The following TULP4 variants were observed in gnomAD, a reference collection of about 807,000 sequenced individuals.
TULP4 encodes the protein tubby-related protein 4.
TULP4 carries 16 observed loss-of-function variants against 129.0 expected under a neutral mutation model. The observed-to-expected ratio is 0.12, with a 90% CI of 0.08 to 0.19. TULP4 has a LOEUF of 0.19. Ranked by LOEUF, TULP4 falls within the 10% of genes least tolerant of loss-of-function variation. The pLI, the probability that TULP4 is intolerant of heterozygous loss-of-function variation, is 1.00. For synonymous variants in TULP4, 998 were observed against 854.0 expected, an observed-to-expected ratio of 1.17 and a Z score of -2.94; for missense variants, 1,842 against 2,059.1, an observed-to-expected ratio of 0.89 and a Z score of 2.04.
chr6:158,293,869 G>T (rs746661259), intron 1 of TULP4, among the ~76,000 whole-genome samples: 3 of 152,208 alleles, frequency 2.0e-5, no homozygotes, highest in Non-Finnish European at 4.4e-5. Flanking sequence ...CTGGATGTAT[G>T]TGTTTCCCTG....
chr6:158,504,542 G>A (rs1206077254), intron 13 of TULP4, among the ~76,000 whole-genome samples: 1 of 148,608 alleles, frequency 6.7e-6, no homozygotes, highest in African/African-American at 2.5e-5. Context: ...ATTTTTAGTA[G>A]AGATGGGGTT....
At chr6:158,246,976 T>G (rs995033815) in intron 1 of TULP4, among the ~76,000 whole-genome samples, 2 of 152,150 alleles carry the variant, frequency 1.3e-5, no homozygotes, top group Admixed American at 6.5e-5. Context: ...TCTTTCTCAC[T>G]GTTATTATTT....
At chr6:158,435,957 C>T (rs575674267) in intron 3 of TULP4, among the ~76,000 whole-genome samples, 41 of 151,752 alleles carry the variant, frequency 2.7e-4, no homozygotes, top group African/African-American at 9.7e-4. Context: ...GGTGGAGTCT[C>T]GCTCTGTCGC....
Position 158,337,128 on chromosome 6 carries a change from CTTTTTTT to C in TULP4, c.252+22876_252+22882del, listed in dbSNP as rs34480077. Among the ~76,000 whole-genome samples, 7 of 73,852 alleles carry C rather than the reference CTTTTTTT, an allele frequency of 9.5e-5. No homozygotes were observed. In the Admixed American group the frequency reaches 1.5e-3, roughly 16 times the overall value. 48.4% of individuals were successfully genotyped at this position (73,852 alleles called of 152,430 possible). On this transcript the variant is annotated intron_variant, in intron 1 of 13. Coordinates refer to ENST00000367097, the MANE Select transcript of TULP4 (RefSeq NM_020245.5). ...TTTTTCTCTCTCTCTCTTTCTTTCT[CTTTTTTT>C]TTTTTTTTTTTTTTTGAGACAGAGT...
chr6:158,256,353 A>G (rs9459811), intron 1 of TULP4, among the ~76,000 whole-genome samples: 49,977 of 152,018 alleles, frequency 0.33, 9,209 homozygotes, highest in Admixed American at 0.45. Context: ...CGTGGTATGT[A>G]TACTAACATG....
intron 1 of TULP4, among the ~76,000 whole-genome samples, chr6:158,329,335 C>T (rs1779821724): frequency 6.6e-6 from 1 of 151,914 alleles, no homozygotes; most frequent in South Asian, 2.1e-4. Context: ...CTTTCTTTTT[C>T]CTCCCTGTAT....
At chr6:158,332,169 C>CAAAAAAA (rs1169601263) in intron 1 of TULP4, among the ~76,000 whole-genome samples, 4 of 65,320 alleles carry the variant, frequency 6.1e-5, no homozygotes, top group African/African-American at 8.8e-5. Context: ...AAGACTCTGT[C>CAAAAAAA]AAAAAAAAAA....
At chr6:158,351,160 TTA>T (rs1355932428) in intron 1 of TULP4, among the ~76,000 whole-genome samples, 2 of 152,280 alleles carry the variant, frequency 1.3e-5, no homozygotes, top group Non-Finnish European at 2.9e-5. Context: ...TGGTCCTGAG[TTA>T]TACAGTACTG....
upstream of TULP4, among the ~76,000 whole-genome samples, chr6:158,308,476 C>T (rs930849382): frequency 6.6e-6 from 1 of 152,082 alleles, no homozygotes; most frequent in Non-Finnish European, 1.5e-5. Flanking sequence ...TTCCACAAAA[C>T]CGCCATTGTC....
intron 1 of TULP4, among the ~76,000 whole-genome samples, chr6:158,269,100 A>AT (rs529393167): frequency 7.0e-4 from 106 of 152,188 alleles, no homozygotes; most frequent in Non-Finnish European, 1.3e-3. Context: ...GCCATTTATT[A>AT]TTTTTTTCTA....
At chr6:158,437,260 A>G (rs1171939753) in intron 3 of TULP4, among the ~76,000 whole-genome samples, 2 of 152,234 alleles carry the variant, frequency 1.3e-5, no homozygotes, top group Non-Finnish European at 2.9e-5. Context: ...ATTTATTTCA[A>G]ATGGTTTAAA....
chr6:158,292,612 T>G (rs1057130155), intron 1 of TULP4, among the ~76,000 whole-genome samples: 1 of 152,228 alleles, frequency 6.6e-6, no homozygotes, highest in African/African-American at 2.4e-5. Flanking sequence ...TTTTGTAGTC[T>G]TCTACCATAT....
chr6:158,253,320 C>T (rs972672626), intron 1 of TULP4, among the ~76,000 whole-genome samples: 13 of 152,150 alleles, frequency 8.5e-5, no homozygotes, highest in African/African-American at 2.4e-4. Flanking sequence ...ATTGCCTAGA[C>T]GAGACATGTT....
chr6:158,481,133 A>T lies in TULP4; in HGVS notation c.1330A>T (p.Met444Leu), dbSNP rs376271444. The T allele has an allele frequency of 1.9e-6, 3 of 1,612,864 alleles. No homozygotes were observed. The highest frequency in any genetic ancestry group is 1.7e-6 in the Non-Finnish European group (2 of 1,179,082). The change falls in exon 8 of 14, where the codon ATG becomes TTG. Residue 444 changes from methionine (M) to leucine (L), a missense_variant. Physicochemically the swap from Met to Leu is conservative, Grantham distance 15. This residue lies in a region of TULP4 where 456 missense variants were observed against 534.3 expected (regional missense o/e 0.85). Coordinates refer to ENST00000367097, the MANE Select transcript of TULP4 (RefSeq NM_020245.5). ...SAGNERLHCTMKRTEDDPEVG... is the reference protein window; with the variant it reads ...SAGNERLHCTLKRTEDDPEVG... ...CGGCAACGAGCGGCTGCACTGCACC[A>T]TGAAGCGCACAGAGGACGACCCGGA...
At chr6:158,267,511 G>A (rs1279448331) in intron 1 of TULP4, among the ~76,000 whole-genome samples, 3 of 152,190 alleles carry the variant, frequency 2.0e-5, no homozygotes, top group Admixed American at 6.5e-5. Context: ...GAGGATTCCA[G>A]AAGAAGGTCT....
At chr6:158,460,435 G>T (rs1779397882) in intron 5 of TULP4, among the ~76,000 whole-genome samples, 2 of 145,450 alleles carry the variant, frequency 1.4e-5, no homozygotes, top group Non-Finnish European at 3.0e-5. Flanking sequence ...ACCAGATTAC[G>T]ATTTTAGGGT....
intron 1 of TULP4, among the ~76,000 whole-genome samples, chr6:158,377,489 G>T (rs1004385152): frequency 1.3e-5 from 2 of 152,234 alleles, no homozygotes; most frequent in Admixed American, 1.3e-4. Context: ...GTAATGCAAT[G>T]CATTAATTGT....
At chr6:158,270,204 T>C (rs1470836904) in intron 1 of TULP4, among the ~76,000 whole-genome samples, 1 of 152,214 alleles carries the variant, frequency 6.6e-6, no homozygotes, top group East Asian at 1.9e-4. Flanking sequence ...TATTATAAAG[T>C]CTTCATTATT....
rs3749852 is a variant in TULP4, at chr6:158,503,504, C to G, written c.3841C>G (p.Pro1281Ala). 532 of 1,614,002 alleles carry G rather than the reference C, an allele frequency of 3.3e-4. 1 individual carries two copies. The African/African-American group carries it at 5.1e-3, about 16-fold the overall frequency. ...PMQNPQGTLP[P>A]KPHLVVEKPL... Reference sequence around the variant, plus strand: ...GCAGAACCCCCAGGGCACTCTCCCCCCAAAGCCACACTTGGTGGTGGAGAA... The same window carrying G: ...GCAGAACCCCCAGGGCACTCTCCCCGCAAAGCCACACTTGGTGGTGGAGAA... Residue 1281 changes from proline (P) to alanine (A), a missense_variant, in exon 13 of 14, where the codon CCA (proline) becomes GCA (alanine). Pro to Ala is a conservative substitution (Grantham distance 27, BLOSUM62 -1). Around this residue, in one of 5 missense-constraint regions of TULP4, gnomAD observed 1,089 missense variants for 987.1 expected, o/e 1.10. Coordinates refer to ENST00000367097, the MANE Select transcript of TULP4 (RefSeq NM_020245.5). This position sits in a 1 kb window ranked among gnomAD's most constrained non-coding sequence, Gnocchi z 4.3.
Sources: allele counts gnomAD v4.1 joint callset (sites outside exome capture counted in the v4.1 genomes callset), GRCh38; gene constraint gnomAD v4.1.1; regional missense constraint gnomAD v4.1.1; non-coding constraint Gnocchi (gnomAD v3.1); transcripts MANE v1.5; gene names NCBI Gene and HGNC (gene_info 2026-07-23, HGNC 2026-07-21).